FNBP1L: variants seen among roughly 807,000 people sequenced by gnomAD.
FNBP1L encodes the protein formin binding protein 1 like.
A neutral mutation model predicts 91.2 loss-of-function variants in FNBP1L; 36 were observed. The observed-to-expected ratio is 0.39, with a 90% confidence interval of 0.30 to 0.52. The LOEUF (loss-of-function observed/expected upper bound fraction) is 0.52. FNBP1L is among the 20% of genes least tolerant of loss of function. FNBP1L has a pLI of 0.66. For synonymous variants in FNBP1L, 242 were observed against 237.0 expected, an observed-to-expected ratio of 1.02 and a Z score of -0.19; for missense variants, 571 against 732.1, an observed-to-expected ratio of 0.78 and a Z score of 2.54.
At chr1:93,540,833 A>T (rs1672019991) in intron 10 of FNBP1L, among the ~76,000 whole-genome samples, 1 of 142,988 alleles carries the variant, frequency 7.0e-6, no homozygotes, top group African/African-American at 2.7e-5. Context: ...GCCCATTATC[A>T]TCAATGTATG....
intron 2 of FNBP1L, among the ~76,000 whole-genome samples, chr1:93,521,724 AC>A (rs1218173696): frequency 6.6e-6 from 1 of 152,082 alleles, no homozygotes; most frequent in East Asian, 1.9e-4. Flanking sequence ...AATATTTTTG[AC>A]CCGTCGTTGA....
At chr1:93,500,226 A>G (rs1172821439) in intron 2 of FNBP1L, among the ~76,000 whole-genome samples, 1 of 152,184 alleles carries the variant, frequency 6.6e-6, no homozygotes, top group Non-Finnish European at 1.5e-5. Flanking sequence ...CTGAAGTGAC[A>G]AAAAATCCAA....
intron 1 of FNBP1L, among the ~76,000 whole-genome samples, chr1:93,498,017 T>C (rs1295987652): frequency 2.0e-5 from 3 of 152,200 alleles, no homozygotes; most frequent in Admixed American, 6.5e-5. Flanking sequence ...TTTCATCTCT[T>C]TTTAAAATTT....
chr1:93,480,522 G>A (rs984049463), intron 1 of FNBP1L, among the ~76,000 whole-genome samples: 4 of 152,054 alleles, frequency 2.6e-5, no homozygotes, highest in Admixed American at 2.6e-4. Flanking sequence ...CCCTTCAAGT[G>A]TCTTCCTACT....
intron 1 of FNBP1L, among the ~76,000 whole-genome samples, chr1:93,471,352 T>C (rs1669279021): frequency 6.6e-6 from 1 of 152,186 alleles, no homozygotes; most frequent in Non-Finnish European, 1.5e-5. Context: ...AGCTACATTT[T>C]TGTTTTTATT....
intron 1 of FNBP1L, among the ~76,000 whole-genome samples, chr1:93,493,046 T>C (rs1373425571): frequency 6.6e-6 from 1 of 152,170 alleles, no homozygotes; most frequent in Non-Finnish European, 1.5e-5. Context: ...GGAGGATCGC[T>C]TGAACTCAGG....
chr1:93,509,109 T>C (rs1217056321), intron 2 of FNBP1L, among the ~76,000 whole-genome samples: 3 of 152,194 alleles, frequency 2.0e-5, no homozygotes, highest in Non-Finnish European at 4.4e-5. Context: ...CACAGGTTCA[T>C]AGGCATGACA....
intron 2 of FNBP1L, among the ~76,000 whole-genome samples, chr1:93,519,209 T>C (rs1671233542): frequency 2.0e-5 from 3 of 152,252 alleles, no homozygotes; most frequent in African/African-American, 7.2e-5. Flanking sequence ...CATATGACTT[T>C]AGAAGGGTCT....
intron 1 of FNBP1L, among the ~76,000 whole-genome samples, chr1:93,448,692 CG>C (rs1051597092): frequency 6.6e-6 from 1 of 151,832 alleles, no homozygotes; most frequent in African/African-American, 2.4e-5. Flanking sequence ...CTCCCGGAGG[CG>C]GGGGAGGGGG....
At chr1:93,504,783 G>T (rs554562060) in intron 2 of FNBP1L, among the ~76,000 whole-genome samples, 1 of 152,134 alleles carries the variant, frequency 6.6e-6, no homozygotes, top group East Asian at 1.9e-4. Context: ...TGAGTTACTT[G>T]TTTTTTTGTT....
chr1:93,488,043 A>T (rs75352055), intron 1 of FNBP1L, among the ~76,000 whole-genome samples: 2,871 of 152,304 alleles, frequency 0.019, 37 homozygotes, highest in Non-Finnish European at 0.024. Context: ...AAGCAGTTTC[A>T]TCCTTCTAGT....
chr1:93,537,005 T>G (rs944841131), intron 10 of FNBP1L, among the ~76,000 whole-genome samples: 1 of 152,040 alleles, frequency 6.6e-6, no homozygotes, highest in Non-Finnish European at 1.5e-5. Flanking sequence ...TAGATCAAAT[T>G]GAGATAATAT....
intron 1 of FNBP1L, among the ~76,000 whole-genome samples, chr1:93,480,954 A>G (rs1442870599): frequency 2.0e-5 from 3 of 152,276 alleles, no homozygotes; most frequent in Admixed American, 6.5e-5. Flanking sequence ...ACATCTTCCA[A>G]TTTGTGCAAG....
intron 1 of FNBP1L, among the ~76,000 whole-genome samples, chr1:93,475,325 A>G (rs1267288069): frequency 6.6e-6 from 1 of 152,164 alleles, no homozygotes; most frequent in African/African-American, 2.4e-5. Flanking sequence ...TGGGAGGCCA[A>G]GGTGGGAGGA....
intron 4 of FNBP1L, among the ~76,000 whole-genome samples, 163 bp from the exon 5 acceptor site, chr1:93,524,098 T>C (rs1671422116): frequency 6.6e-6 from 1 of 152,208 alleles, no homozygotes; most frequent in Non-Finnish European, 1.5e-5. Flanking sequence ...TTGCATTACT[T>C]TCTTCCTAAG....
rs867090212 is a variant in FNBP1L at position 93,475,912 on chromosome 1, A to G, written c.25-23556A>G. 9.3e-4 allele frequency among the ~76,000 whole-genome samples: 141 copies of G among 152,308 alleles called. 1 individual carries two copies. The highest frequency in any genetic ancestry group is 3.7e-3 in the South Asian group (18 of 4,830). ...ATCAGAAATTCTTACTGGTAGTTTT[A>G]TATATGAAAATGGCTGATTTCTACA... On this transcript the variant is annotated intron_variant, in intron 1 of 16. Coordinates refer to ENST00000271234, the MANE Select transcript of FNBP1L (RefSeq NM_001164473.3).
chr1:93,512,778 T>G (rs1273991508), intron 2 of FNBP1L, among the ~76,000 whole-genome samples: 2 of 151,540 alleles, frequency 1.3e-5, no homozygotes, highest in African/African-American at 4.8e-5. Context: ...AAGCAGTGTG[T>G]AGAGGGAAAT....
intron 1 of FNBP1L, among the ~76,000 whole-genome samples, chr1:93,484,532 C>A (rs1286733654): frequency 6.6e-6 from 1 of 152,144 alleles, no homozygotes; most frequent in East Asian, 1.9e-4. Context: ...TTCTTGAATC[C>A]CCTGTTCGCT....
At chr1:93,514,263 A>C (rs1670982478) in intron 2 of FNBP1L, among the ~76,000 whole-genome samples, 1 of 152,124 alleles carries the variant, frequency 6.6e-6, no homozygotes, top group African/African-American at 2.4e-5. Flanking sequence ...CAAGGAAATA[A>C]AAGAGGATAC....
Sources: allele counts gnomAD v4.1 joint callset (sites outside exome capture counted in the v4.1 genomes callset), GRCh38; gene constraint gnomAD v4.1.1; transcripts MANE v1.5; gene names NCBI Gene and HGNC (gene_info 2026-07-23, HGNC 2026-07-21).